PLCB1: variants seen among roughly 807,000 people sequenced by gnomAD.
PLCB1 encodes 1-phosphatidylinositol 4,5-bisphosphate phosphodiesterase beta-1.
In PLCB1, 46 loss-of-function variants were observed where a neutral mutation model predicts 161.8. The observed-to-expected ratio is 0.28, with a 90% confidence interval of 0.22 to 0.36. The LOEUF is 0.36. Ranked by LOEUF, PLCB1 falls within the 10% of genes least tolerant of loss-of-function variation. The probability of loss-of-function intolerance (pLI) is 1.00; values close to 1 mark genes in which losing one functional copy is unlikely to be tolerated. For synonymous variants in PLCB1, 517 were observed against 503.7 expected (o/e 1.03, Z -0.35); for missense variants, 1,016 against 1,472.5 (o/e 0.69, Z 5.07).
At chr20:8,875,889 G>A (rs572013654) in intron 31 of PLCB1, among the ~76,000 whole-genome samples, 114 of 136,778 alleles carry the variant, frequency 8.3e-4, no homozygotes, top group African/African-American at 2.8e-3. Context: ...AACTTTGCTT[G>A]CTCCTTGGCC....
chr20:8,811,746 A>G (rs1984832545), intron 31 of PLCB1, among the ~76,000 whole-genome samples: 1 of 152,266 alleles, frequency 6.6e-6, no homozygotes, highest in Non-Finnish European at 1.5e-5. Context: ...CAGAGCCGAT[A>G]CAGAAAGCCA....
intron 3 of PLCB1, among the ~76,000 whole-genome samples, chr20:8,508,260 G>A (rs962542957): frequency 2.0e-5 from 3 of 152,202 alleles, no homozygotes; most frequent in Non-Finnish European, 4.4e-5. Flanking sequence ...GTATGCTAAG[G>A]AGGGGAGTTA....
chr20:8,705,750 A>G (rs1193039991), intron 11 of PLCB1, among the ~76,000 whole-genome samples: 1 of 152,244 alleles, frequency 6.6e-6, no homozygotes, highest in South Asian at 2.1e-4. Flanking sequence ...AAGCAACAAG[A>G]TCAATGGACT....
At chr20:8,351,700 AAAG>A (rs142314665) in intron 2 of PLCB1, among the ~76,000 whole-genome samples, 1,694 of 152,186 alleles carry the variant, frequency 0.011, 21 homozygotes, top group Non-Finnish European at 0.017. Context: ...ATATCTCACC[AAAG>A]AAAACATACA....
chr20:8,397,237 C>T (rs937879085), intron 3 of PLCB1, among the ~76,000 whole-genome samples: 1 of 151,944 alleles, frequency 6.6e-6, no homozygotes, highest in Admixed American at 6.6e-5. Context: ...AGAGAAAATC[C>T]AACGTTTCTT....
At chr20:8,425,639 AAAG>A (rs1163310852) in intron 3 of PLCB1, among the ~76,000 whole-genome samples, 1 of 150,258 alleles carries the variant, frequency 6.7e-6, no homozygotes, top group African/African-American at 2.5e-5. Flanking sequence ...AAAAGAAAGA[AAAG>A]AAAAAAATCA....
At chr20:8,397,359 T>C (rs1297171383) in intron 3 of PLCB1, among the ~76,000 whole-genome samples, 2 of 152,148 alleles carry the variant, frequency 1.3e-5, no homozygotes, top group Non-Finnish European at 2.9e-5. Context: ...CTTAGATTTA[T>C]ATATTTATAG....
chr20:8,640,301 A>G (rs1988907697), intron 4 of PLCB1, among the ~76,000 whole-genome samples: 1 of 152,224 alleles, frequency 6.6e-6, no homozygotes, highest in South Asian at 2.1e-4. Context: ...ATGCCCAAGA[A>G]TTGCGATTGC....
intron 2 of PLCB1, among the ~76,000 whole-genome samples, chr20:8,215,126 GAGA>G (rs1979047837): frequency 8.6e-5 from 13 of 152,046 alleles, no homozygotes; most frequent in Non-Finnish European, 1.5e-5. Context: ...TGAGGCCACT[GAGA>G]AGATTATTTT....
At chr20:8,354,588 C>T (rs1986297925) in intron 2 of PLCB1, among the ~76,000 whole-genome samples, 1 of 152,144 alleles carries the variant, frequency 6.6e-6, no homozygotes, top group Admixed American at 6.6e-5. Context: ...AAATTAAATA[C>T]TGTATTGAAT....
chr20:8,200,822 A>G (rs2052084558), intron 2 of PLCB1, among the ~76,000 whole-genome samples: 1 of 152,054 alleles, frequency 6.6e-6, no homozygotes, highest in Non-Finnish European at 1.5e-5. Flanking sequence ...CTGATCTTAC[A>G]GGGAAGGCTT....
rs543840792 is a variant in PLCB1, at chr20:8,857,703, TG to T, written c.3424-23918del. Reference sequence around the variant, plus strand: ...CAATATATGAAAGACTGTATTACCCTGACACTTGCCAATAGTTGATATTAAC... The same window carrying T: ...CAATATATGAAAGACTGTATTACCCTACACTTGCCAATAGTTGATATTAAC... On this transcript the variant is annotated intron_variant, in intron 31 of 31. Coordinates refer to ENST00000338037, the MANE Select transcript of PLCB1 (RefSeq NM_015192.4). Among the ~76,000 whole-genome samples the T allele has an allele frequency of 7.4e-3, 1,134 of 152,364 alleles. 5 individuals carry two copies. The highest frequency in any genetic ancestry group is 0.012 in the Non-Finnish European group (788 of 68,038).
chr20:8,707,664 A>G (rs1256673605), intron 11 of PLCB1, among the ~76,000 whole-genome samples: 1 of 152,172 alleles, frequency 6.6e-6, no homozygotes. Context: ...TTCCCAGAAA[A>G]TCAATCAAGA....
chr20:8,731,185 T>A (rs999632744), intron 18 of PLCB1, among the ~76,000 whole-genome samples: 3 of 151,928 alleles, frequency 2.0e-5, no homozygotes, highest in Non-Finnish European at 4.4e-5. Context: ...TATGGCTTTT[T>A]AAAATCAATT....
At chr20:8,811,515 A>G (rs1253255658) in intron 31 of PLCB1, among the ~76,000 whole-genome samples, 1 of 152,234 alleles carries the variant, frequency 6.6e-6, no homozygotes, top group Admixed American at 6.5e-5. Context: ...CCAAGGAAGA[A>G]CAAGAAAAAG....
At chr20:8,788,790 C>A in intron 29 of PLCB1, 68 bp downstream of exon 29, 4 of 1,007,910 alleles carry the variant, frequency 4.0e-6, no homozygotes, top group Non-Finnish European at 4.5e-6. Flanking sequence ...ACGTCAGAGT[C>A]ACAGGTTCAT....
intron 3 of PLCB1, among the ~76,000 whole-genome samples, chr20:8,558,164 A>G (rs1277191837): frequency 6.6e-6 from 1 of 151,946 alleles, no homozygotes; most frequent in Non-Finnish European, 1.5e-5. Context: ...AATAGCTAAA[A>G]GCATATCATT....
chr20:8,593,310 C>T (rs1293454985), intron 3 of PLCB1, among the ~76,000 whole-genome samples: 1 of 152,020 alleles, frequency 6.6e-6, no homozygotes, highest in Non-Finnish European at 1.5e-5. Flanking sequence ...GTAGCCAGGA[C>T]TACCTGCACA....
intron 3 of PLCB1, among the ~76,000 whole-genome samples, chr20:8,543,620 C>CAAAGAA (rs1985420719): frequency 7.7e-6 from 1 of 129,574 alleles, no homozygotes; most frequent in African/African-American, 2.9e-5. Context: ...CAAAGAGTTC[C>CAAAGAA]AAAAAAAAAA....
Sources: allele counts gnomAD v4.1 joint callset (sites outside exome capture counted in the v4.1 genomes callset), GRCh38; gene constraint gnomAD v4.1.1; transcripts MANE v1.5; gene names NCBI Gene and HGNC (gene_info 2026-07-23, HGNC 2026-07-21).